Variants in TUBGCP4 observed in about 807,000 individuals in gnomAD.
TUBGCP4 encodes tubulin gamma complex component 4, also known as gamma-tubulin complex component 4.
A neutral mutation model predicts 91.6 loss-of-function variants in TUBGCP4; 54 were observed. The ratio of observed to expected loss-of-function variants is 0.59; its 90% CI spans 0.47 to 0.74. TUBGCP4 has a LOEUF of 0.74. TUBGCP4 is among the 30% of genes least tolerant of loss of function. The pLI is 0.00. For synonymous variants in TUBGCP4, 297 were observed against 302.8 expected (o/e 0.98, Z 0.20); for missense variants, 593 against 800.9 (o/e 0.74, Z 3.13).
At chr15:43,376,287 C>T (rs1017559636) in intron 2 of TUBGCP4, 61 bp downstream of exon 2, 1 of 1,609,138 alleles carries the variant, frequency 6.2e-7, no homozygotes, top group African/African-American at 1.3e-5. Flanking sequence ...CAAGCTTTCA[C>T]CTCTAGAGGG....
chr15:43,371,855 C>G (rs1221870674), intron 1 of TUBGCP4, among the ~76,000 whole-genome samples: 1 of 152,140 alleles, frequency 6.6e-6, no homozygotes, highest in African/African-American at 2.4e-5. Context: ...TAAATGAAAT[C>G]GAGAGCGTGT....
intron 1 of TUBGCP4, 62 bp from the exon 2 acceptor site, chr15:43,376,036 G>T: frequency 6.2e-7 from 1 of 1,601,458 alleles, no homozygotes; most frequent in East Asian, 2.2e-5. Context: ...TGAAGCGTTT[G>T]AAGCACCTGA....
intron 3 of TUBGCP4, 52 bp from the exon 4 acceptor site, chr15:43,376,962 T>C: frequency 2.1e-6 from 3 of 1,425,968 alleles, no homozygotes; most frequent in South Asian, 2.3e-5. Context: ...ATAGATCAAA[T>C]AGATTTGAGA....
At position 43,408,009 on chromosome 15, in the gene TUBGCP4, A is replaced by G; in HGVS notation, c.*2795A>G. 1 of 1,614,016 alleles carries G rather than the reference A, an allele frequency of 6.2e-7. No individual in the cohort carries two copies. The highest frequency in any genetic ancestry group is 8.5e-7 in the Non-Finnish European group (1 of 1,179,926). On this transcript the variant is annotated 3_prime_UTR_variant, in exon 18 of 18. Coordinates refer to ENST00000564079, the MANE Select transcript of TUBGCP4 (RefSeq NM_014444.5). The stretch of plus-strand genomic sequence containing the variant: ...GCACCACCAGTCATGAGGATCTCAG[A>G]CCAGAGCTCCAGGAAGTTCTGCTGT...
In TUBGCP4 at chr15:43,403,685, G is replaced by C; in HGVS notation, c.1734G>C (p.Val578=). The change falls in exon 16 of 18, where the codon GTG becomes GTC. Residue 578 remains valine, a splice_region_variant and synonymous_variant. Transcript: ENST00000564079. ...LAQSFILLKP[V]FHCLNEILDL... is the part of the protein sequence containing the mutation. ...TGCCAACTCTGTTTCCCGGGTAGGT[G>C]TTTCACTGCCTGAATGAAATCCTAG... is the stretch of plus-strand genomic sequence containing the variant. 1 of 1,611,012 alleles carries C rather than the reference G, an allele frequency of 6.2e-7. No individual in the cohort carries two copies. The highest frequency in any genetic ancestry group is 8.5e-7 in the Non-Finnish European group (1 of 1,178,766).
chr15:43,389,413 T>C (rs2044431709), intron 9 of TUBGCP4, among the ~76,000 whole-genome samples: 1 of 152,176 alleles, frequency 6.6e-6, no homozygotes, highest in African/African-American at 2.4e-5. Context: ...TTTTTTGAGA[T>C]GGAGTCTTGC....
chr15:43,378,925 A>C (rs1223334807), intron 5 of TUBGCP4, among the ~76,000 whole-genome samples: 1 of 152,232 alleles, frequency 6.6e-6, no homozygotes. Flanking sequence ...CACTAGATTA[A>C]ACTATCTCCC....
chr15:43,393,804 C>G (rs2044530070), intron 9 of TUBGCP4, among the ~76,000 whole-genome samples: 1 of 152,088 alleles, frequency 6.6e-6, no homozygotes, highest in South Asian at 2.1e-4. Context: ...GCATAGTATT[C>G]CATGGTGTAT....
chr15:43,403,146 A>G (rs1402832329), intron 15 of TUBGCP4: 1 of 152,234 alleles, frequency 6.6e-6, no homozygotes, highest in African/African-American at 2.4e-5. Context: ...TCTGCCCTTA[A>G]GGAGCTCACA....
intron 13 of TUBGCP4, 41 bp from the exon 14 acceptor site, chr15:43,400,003 A>G (rs781138290): frequency 2.6e-6 from 4 of 1,553,338 alleles, no homozygotes; most frequent in Non-Finnish European, 3.5e-6. Flanking sequence ...AGTGCAGGGG[A>G]TGAAATTTTT....
At chr15:43,377,984 G>A (rs2044234442) in intron 5 of TUBGCP4, 81 bp downstream of exon 5, 10 of 1,095,036 alleles carry the variant, frequency 9.1e-6, no homozygotes, top group South Asian at 1.5e-5. Context: ...ATTATTTTTC[G>A]AAGACCCTAG....
chr15:43,403,372 A>C (rs1791897048), intron 15 of TUBGCP4: 2 of 216,102 alleles, frequency 9.3e-6, no homozygotes, highest in Non-Finnish European at 1.8e-5. Flanking sequence ...CAAAGGGAAC[A>C]ACACTCACAG....
intron 1 of TUBGCP4, among the ~76,000 whole-genome samples, chr15:43,374,752 G>A (rs1169720805): frequency 1.3e-5 from 2 of 152,216 alleles, no homozygotes; most frequent in Non-Finnish European, 2.9e-5. Flanking sequence ...TCGCTGAGAG[G>A]TGGAAGCAAG....
chr15:43,404,687 ACC>A, intron 17 of TUBGCP4, 135 bp downstream of exon 17: 1 of 918,054 alleles, frequency 1.1e-6, no homozygotes, highest in Non-Finnish European at 1.6e-6. Flanking sequence ...TAGAGGTGTG[ACC>A]ATCTTTAATA....
intron 9 of TUBGCP4, among the ~76,000 whole-genome samples, chr15:43,393,631 G>A (rs536705228): frequency 2.0e-5 from 3 of 151,780 alleles, no homozygotes; most frequent in South Asian, 4.2e-4. Flanking sequence ...GGTGTGTGAT[G>A]TTCCCCTTCC....
intron 9 of TUBGCP4, among the ~76,000 whole-genome samples, chr15:43,392,394 T>C (rs2584703): frequency 0.29 from 44,683 of 152,090 alleles, 9,580 homozygotes; most frequent in African/African-American, 0.6. Flanking sequence ...TTAATTTTAT[T>C]GCATTATAGT....
chr15:43,407,626 T>C lies in TUBGCP4; in HGVS notation c.*2412T>C. On this transcript the variant is annotated 3_prime_UTR_variant, in exon 18 of 18. Coordinates refer to ENST00000564079, the MANE Select transcript of TUBGCP4 (RefSeq NM_014444.5). Reference sequence around the variant, plus strand: ...AAGGACACTCAACTTAGCCCTCCATTAGAAAGAGAGATTTGATTCTAACCA... The same window carrying C: ...AAGGACACTCAACTTAGCCCTCCATCAGAAAGAGAGATTTGATTCTAACCA... 1.3e-6 allele frequency: 2 copies of C among 1,516,094 alleles called. No homozygotes were observed. The highest frequency in any genetic ancestry group is 1.8e-6 in the Non-Finnish European group (2 of 1,114,926). The allele number at this position is 1,516,094 out of a possible 1,614,324, so 93.9% of individuals were successfully genotyped here. A position where few individuals can be genotyped will look rare whatever the true frequency, so the allele number is the denominator to read the frequency against.
chr15:43,403,049 TA>T (rs1346353848), intron 15 of TUBGCP4: 1 of 152,182 alleles, frequency 6.6e-6, no homozygotes, highest in African/African-American at 2.4e-5. Flanking sequence ...AAAAGCAGAA[TA>T]ACAGAGCAGG....
chr15:43,400,004 T>A, intron 13 of TUBGCP4, 40 bp from the exon 14 acceptor site: 2 of 1,559,038 alleles, frequency 1.3e-6, no homozygotes, highest in Non-Finnish European at 1.8e-6. Flanking sequence ...GTGCAGGGGA[T>A]GAAATTTTTG....
Sources: allele counts gnomAD v4.1 joint callset (sites outside exome capture counted in the v4.1 genomes callset), GRCh38; gene constraint gnomAD v4.1.1; transcripts MANE v1.5; gene names NCBI Gene and HGNC (gene_info 2026-07-23, HGNC 2026-07-21).